HTR4: variants seen among roughly 807,000 people sequenced by gnomAD.
HTR4 encodes 5-hydroxytryptamine (serotonin) receptor 4, G protein-coupled.
In HTR4, 16 loss-of-function variants were observed where a neutral mutation model predicts 36.8. That is an observed-to-expected ratio of 0.43 (90% CI 0.29 to 0.66). HTR4 has a LOEUF of 0.66. Ranked by LOEUF, HTR4 falls within the 30% of genes least tolerant of loss-of-function variation. The pLI is 0.13. For missense variants in HTR4, 438 were observed against 490.9 expected, an observed-to-expected ratio of 0.89 and a Z score of 1.02; for synonymous variants, 189 against 185.1, an observed-to-expected ratio of 1.02 and a Z score of -0.17.
At chr5:148,563,498 G>A (rs1188982362) in intron 2 of HTR4, among the ~76,000 whole-genome samples, 4 of 152,140 alleles carry the variant, frequency 2.6e-5, no homozygotes, top group Non-Finnish European at 5.9e-5. Flanking sequence ...CAAGAACTTG[G>A]GCTGTTATAT....
chr5:148,457,717 A>ATATATCATTAAAATATATTTTGG (rs1561558321), intron 5 of HTR4, among the ~76,000 whole-genome samples: 48 of 95,436 alleles, frequency 5.0e-4, no homozygotes, highest in African/African-American at 6.1e-4. Flanking sequence ...ATATATTTTG[A>ATATATCATTAAAATATATTTTGG]TATATCATTA....
chr5:148,622,013 T>G (rs1752935012), intron 2 of HTR4, among the ~76,000 whole-genome samples: 2 of 152,176 alleles, frequency 1.3e-5, no homozygotes, highest in Admixed American at 6.5e-5. Flanking sequence ...GATGCCAATT[T>G]GCATTCCAGC....
intron 5 of HTR4, among the ~76,000 whole-genome samples, chr5:148,452,211 A>G (rs1754989920): frequency 6.6e-6 from 1 of 152,152 alleles, no homozygotes; most frequent in Non-Finnish European, 1.5e-5. Flanking sequence ...AATCCCCATA[A>G]TTGCCTATTA....
At chr5:148,465,939 C>G in intron 5 of HTR4, 1 of 1,609,844 alleles carries the variant, frequency 6.2e-7, no homozygotes, top group Admixed American at 1.7e-5. Context: ...TTAGTTGAAA[C>G]AGAAAACAGC....
At chr5:148,521,094 C>T (rs565893609) in intron 5 of HTR4, 30 of 1,185,958 alleles carry the variant, frequency 2.5e-5, no homozygotes, top group East Asian at 5.3e-5. Flanking sequence ...TCGATGTATC[C>T]GGGGACCACT....
chr5:148,569,683 A>T (rs1042660298), intron 2 of HTR4, among the ~76,000 whole-genome samples: 1 of 151,950 alleles, frequency 6.6e-6, no homozygotes, highest in Non-Finnish European at 1.5e-5. Flanking sequence ...TTAAAAAATT[A>T]TACATCAATA....
chr5:148,453,634 G>C (rs933918464), intron 5 of HTR4, among the ~76,000 whole-genome samples: 3 of 152,140 alleles, frequency 2.0e-5, no homozygotes, highest in East Asian at 3.9e-4. Flanking sequence ...GGCAGAAAGA[G>C]TAAGGGGAGG....
At chr5:148,459,635 T>G (rs1388695608) in intron 5 of HTR4, among the ~76,000 whole-genome samples, 1 of 152,140 alleles carries the variant, frequency 6.6e-6, no homozygotes, top group East Asian at 1.9e-4. Context: ...CCGCATACCT[T>G]AACACCATAT....
At chr5:148,565,302 T>C (rs1760388519) in intron 2 of HTR4, among the ~76,000 whole-genome samples, 1 of 152,054 alleles carries the variant, frequency 6.6e-6, no homozygotes, top group Non-Finnish European at 1.5e-5. Context: ...GCCTGATCAA[T>C]GACTGATCAT....
chr5:148,511,660 T>TGTG (rs1554090339), intron 5 of HTR4, among the ~76,000 whole-genome samples: 1 of 151,484 alleles, frequency 6.6e-6, no homozygotes, highest in Non-Finnish European at 1.5e-5. Context: ...TGTGTGTGTA[T>TGTG]TTTCATCTCT....
intron 2 of HTR4, among the ~76,000 whole-genome samples, chr5:148,616,377 C>T (rs1376876596): frequency 1.3e-5 from 2 of 152,116 alleles, no homozygotes; most frequent in Admixed American, 1.3e-4. Context: ...CAGGGCTGCA[C>T]CTATAGCCTG....
chr5:148,555,663 G>A (rs1002216825), intron 2 of HTR4, among the ~76,000 whole-genome samples: 1 of 151,974 alleles, frequency 6.6e-6, no homozygotes, highest in African/African-American at 2.4e-5. Context: ...CCACTAAATT[G>A]GTTCGTTGAC....
chr5:148,540,780 G>C (rs1483536878), intron 4 of HTR4, among the ~76,000 whole-genome samples: 1 of 152,000 alleles, frequency 6.6e-6, no homozygotes, highest in Non-Finnish European at 1.5e-5. Flanking sequence ...AGAGGTGCAA[G>C]TGAAGCCATG....
chr5:148,583,882 C>T (rs1270764264), intron 2 of HTR4, among the ~76,000 whole-genome samples: 2 of 152,088 alleles, frequency 1.3e-5, no homozygotes, highest in Non-Finnish European at 2.9e-5. Context: ...CTGACAACAC[C>T]AGAATCCAGA....
At chr5:148,515,910 TTC>T (rs1324130473) in intron 5 of HTR4, among the ~76,000 whole-genome samples, 2 of 151,310 alleles carry the variant, frequency 1.3e-5, no homozygotes, top group African/African-American at 2.4e-5. Context: ...ATCTGCCCCA[TTC>T]TCTCTCTCTG....
chr5:148,548,205 A>G (rs1200408282), intron 4 of HTR4, among the ~76,000 whole-genome samples: 1 of 152,254 alleles, frequency 6.6e-6, no homozygotes, highest in Non-Finnish European at 1.5e-5. Flanking sequence ...AATTATATGC[A>G]CATACATAAA....
downstream of HTR4, among the ~76,000 whole-genome samples, chr5:148,478,502 G>A (rs528780263): frequency 6.6e-6 from 1 of 152,172 alleles, no homozygotes; most frequent in Non-Finnish European, 1.5e-5. Context: ...CTGAGGAAAT[G>A]ATTGTCACCT....
chr5:148,605,678 G>C (rs1456599104), intron 2 of HTR4, among the ~76,000 whole-genome samples: 2 of 151,904 alleles, frequency 1.3e-5, no homozygotes, highest in African/African-American at 4.8e-5. Flanking sequence ...CTATGGCCCT[G>C]AAGTCAGGAT....
chr5:148,598,464 A>C (rs1232487798), intron 2 of HTR4, among the ~76,000 whole-genome samples: 1 of 152,092 alleles, frequency 6.6e-6, no homozygotes, highest in Non-Finnish European at 1.5e-5. Context: ...AGGCAAGAGA[A>C]ACACTTGAAC....
Sources: gnomAD v4.1 joint callset for allele counts (sites outside exome capture counted in the v4.1 genomes callset) on GRCh38, gnomAD v4.1.1 for gene constraint, MANE v1.5 for transcripts, NCBI Gene and HGNC (gene_info 2026-07-23, HGNC 2026-07-21) for gene names.